The following HTR3E variants were observed in gnomAD, a reference collection of about 807,000 sequenced individuals.
The protein encoded by HTR3E is 5-hydroxytryptamine (serotonin) receptor 3, family member E.
In HTR3E, 38 loss-of-function variants were observed where a neutral mutation model predicts 38.0. That is an observed-to-expected ratio of 1.00 (90% CI 0.77 to 1.31). The LOEUF is 1.31. HTR3E is among the 50% of genes most tolerant of loss of function. The pLI, the probability that HTR3E is intolerant of heterozygous loss-of-function variation, is 0.00. For missense variants in HTR3E, 547 were observed against 585.2 expected (o/e 0.93, Z 0.67); for synonymous variants, 210 against 232.9 (o/e 0.90, Z 0.89).
rs1222401361 is a variant in HTR3E at position 184,105,924 on chromosome 3, C to T, written c.880C>T (p.Leu294Phe). 1.2e-6 allele frequency: 2 copies of T among 1,614,082 alleles called. No homozygotes were observed. The highest frequency in any genetic ancestry group is 1.7e-5 in the Admixed American group (1 of 60,004). Residue 294 changes from leucine (L) to phenylalanine (F), a missense_variant, in exon 7 of 9, where the codon CTC becomes TTC. Transcript: ENST00000415389. Reference protein sequence around the residue: ...TLLLGYNVFLLMMSDLLPTSG... With the variant: ...TLLLGYNVFLFMMSDLLPTSG... ...CCTGCTGGGCTACAACGTCTTCCTG[C>T]TCATGATGAGTGACTTGCTCCCCAC...
At position 184,106,762 on chromosome 3, in the gene HTR3E, C is replaced by T. The variant is rs1275372022; in HGVS notation, c.*69C>T. On this transcript the variant is annotated 3_prime_UTR_variant, in exon 9 of 9. Coordinates refer to ENST00000415389, the MANE Select transcript of HTR3E (RefSeq NM_001256613.2). This position sits in a 1 kb window ranked among gnomAD's most constrained non-coding sequence, Gnocchi z 4.1. ...TCCAGGGACTGGCCAGGTCTCCCCCCTTTCCTGAGTACCAACTATCATATC... is the reference window on the plus strand; with the variant it reads ...TCCAGGGACTGGCCAGGTCTCCCCCTTTTCCTGAGTACCAACTATCATATC... The T allele has an allele frequency of 1.2e-5, 18 of 1,491,774 alleles. No individual in the cohort carries two copies. Among genetic ancestry groups the T allele is most frequent in the Non-Finnish European group, 1.7e-5 (18 of 1,081,688 alleles). 92.4% of individuals were successfully genotyped at this position (1,491,774 alleles called of 1,614,324 possible). A position where few individuals can be genotyped will look rare whatever the true frequency, so the allele number is the denominator to read the frequency against.
At chr3:184,102,702 A>G (rs1712128319) in intron 3 of HTR3E, among the ~76,000 whole-genome samples, 1 of 151,936 alleles carries the variant, frequency 6.6e-6, no homozygotes. Context: ...AGGCCGGTGG[A>G]TCGCCTGAAC....
chr3:184,097,479 G>C lies in HTR3E; in HGVS notation c.-51G>C, dbSNP rs1334803717. On this transcript the variant is annotated 5_prime_UTR_variant, in exon 1 of 9. Coordinates refer to ENST00000415389, the MANE Select transcript of HTR3E (RefSeq NM_001256613.2). ...GGTGTGGCCTGTGCTGCTTTAATCT[G>C]GGCATTCCTGGGTCCCAGTACATGT... is the stretch of plus-strand genomic sequence containing the variant. The C allele has an allele frequency of 4.4e-6, 6 of 1,361,720 alleles. No individual in the cohort carries two copies. Among genetic ancestry groups the C allele is most frequent in the Non-Finnish European group, 1.0e-6 (1 of 988,590 alleles). 84.4% of individuals were successfully genotyped at this position (1,361,720 alleles called of 1,614,324 possible). A position where few individuals can be genotyped will look rare whatever the true frequency, so the allele number is the denominator to read the frequency against.
Position 184,106,025 on chromosome 3 carries a change from G to C in HTR3E, c.925+56G>C. On this transcript the variant is annotated intron_variant, in intron 7 of 8. Coordinates refer to ENST00000415389, the MANE Select transcript of HTR3E (RefSeq NM_001256613.2). The surrounding 1 kb of genome is among the most constrained non-coding windows in gnomAD (Gnocchi z 4.1). ...GGGTGGGAACTAACTCAGGAAGGGAGGTATTTTGGAAAAAGGAGGCCGTAT... is the reference window on the plus strand; with the variant it reads ...GGGTGGGAACTAACTCAGGAAGGGACGTATTTTGGAAAAAGGAGGCCGTAT... The C allele has an allele frequency of 1.2e-6, 2 of 1,611,354 alleles. No individual in the cohort carries two copies. The highest frequency in any genetic ancestry group is 1.7e-6 in the Non-Finnish European group (2 of 1,177,648).
In HTR3E at chr3:184,106,245, A is replaced by G; in HGVS notation, c.1043A>G (p.His348Arg). 1 of 1,610,890 alleles carries G rather than the reference A, an allele frequency of 6.2e-7. No individual in the cohort carries two copies. The highest frequency in any genetic ancestry group is 8.5e-7 in the Non-Finnish European group (1 of 1,179,476). ...CCCCCACCCCTGCCTCGGTGGCTCC[A>G]CTCCCTGCTGCTCCACTGCAACAGC... ...TQPPPLPRWL[H>R]SLLLHCNSPG... The change falls in exon 8 of 9, where the codon CAC (histidine) becomes CGC (arginine). Residue 348 changes from histidine (H) to arginine (R), a missense_variant. His to Arg is a conservative substitution (Grantham distance 29). Coordinates refer to ENST00000415389, the MANE Select transcript of HTR3E (RefSeq NM_001256613.2). This position sits in a 1 kb window ranked among gnomAD's most constrained non-coding sequence, Gnocchi z 4.1.
chr3:184,106,759 C>A lies in HTR3E; in HGVS notation c.*66C>A. ...GCCTCCAGGGACTGGCCAGGTCTCC[C>A]CCCTTTCCTGAGTACCAACTATCAT... On this transcript the variant is annotated 3_prime_UTR_variant, in exon 9 of 9. Transcript: ENST00000415389. This position sits in a 1 kb window ranked among gnomAD's most constrained non-coding sequence, Gnocchi z 4.1. The A allele has an allele frequency of 6.6e-7, 1 of 1,525,610 alleles. No homozygotes were observed. Among genetic ancestry groups the A allele is most frequent in the South Asian group, 1.2e-5 (1 of 84,648 alleles). The allele number at this position is 1,525,610 out of a possible 1,614,324, so 94.5% of individuals were successfully genotyped here. A position where few individuals can be genotyped will look rare whatever the true frequency, so the allele number is the denominator to read the frequency against.
intron 4 of HTR3E, 49 bp from the exon 5 acceptor site, chr3:184,104,738 A>T: frequency 5.4e-6 from 7 of 1,306,420 alleles, no homozygotes; most frequent in Non-Finnish European, 7.2e-6. Flanking sequence ...AAAAAAAAAA[A>T]GAGAGAGAGA....
At chr3:184,105,141 G>T in intron 5 of HTR3E, 126 bp from the exon 6 acceptor site, 2 of 1,237,842 alleles carry the variant, frequency 1.6e-6, no homozygotes, top group East Asian at 2.5e-5. Flanking sequence ...CAAGCTCCTG[G>T]CAAGTTTCCT....
intron 3 of HTR3E, 70 bp downstream of exon 3, chr3:184,101,599 T>TC: frequency 2.5e-6 from 3 of 1,210,206 alleles, no homozygotes; most frequent in Non-Finnish European, 3.7e-6. Context: ...ATATAATAAT[T>TC]ATGAATTTTT....
intron 3 of HTR3E, among the ~76,000 whole-genome samples, chr3:184,103,278 T>C (rs1467086071): frequency 6.6e-6 from 1 of 151,824 alleles, no homozygotes; most frequent in Non-Finnish European, 1.5e-5. Flanking sequence ...GGTCAGGAGT[T>C]CGAGACCAGC....
At chr3:184,099,993 G>A (rs1337593772) in intron 1 of HTR3E, among the ~76,000 whole-genome samples, 1 of 152,018 alleles carries the variant, frequency 6.6e-6, no homozygotes, top group African/African-American at 2.4e-5. Context: ...ATATTAGAAA[G>A]GAGGCTGGAG....
At chr3:184,102,108 T>C (rs537126547) in intron 3 of HTR3E, among the ~76,000 whole-genome samples, 2 of 152,300 alleles carry the variant, frequency 1.3e-5, no homozygotes, top group East Asian at 3.9e-4. Flanking sequence ...TCAATGACCA[T>C]ACATAATTTT....
intron 1 of HTR3E, among the ~76,000 whole-genome samples, chr3:184,098,792 C>G (rs1711800083): frequency 6.6e-6 from 1 of 151,946 alleles, no homozygotes; most frequent in Non-Finnish European, 1.5e-5. Flanking sequence ...CACCTGTAAT[C>G]CCAGCACTTG....
At chr3:184,098,178 G>A (rs1711765017) in intron 1 of HTR3E, among the ~76,000 whole-genome samples, 1 of 152,190 alleles carries the variant, frequency 6.6e-6, no homozygotes, top group Non-Finnish European at 1.5e-5. Flanking sequence ...GGGTCAGCAT[G>A]GTAGAGAGAC....
intron 3 of HTR3E, among the ~76,000 whole-genome samples, chr3:184,103,268 G>A (rs1213084168): frequency 6.6e-6 from 1 of 152,044 alleles, no homozygotes; most frequent in Admixed American, 6.6e-5. Flanking sequence ...GATCACTTGA[G>A]GTCAGGAGTT....
Position 184,106,747 on chromosome 3 carries a change from GGCC to G in HTR3E, c.*55_*57del. 1 of 1,577,236 alleles carries G rather than the reference GGCC, an allele frequency of 6.3e-7. No individual in the cohort carries two copies. ...GGAGCTTCTCTTGCCTCCAGGGACT[GGCC>G]AGGTCTCCCCCCTTTCCTGAGTACC... On this transcript the variant is annotated 3_prime_UTR_variant, in exon 9 of 9. Transcript: ENST00000415389. This position sits in a 1 kb window ranked among gnomAD's most constrained non-coding sequence, Gnocchi z 4.1.
At chr3:184,098,814 C>A in intron 1 of HTR3E, among the ~76,000 whole-genome samples, 1 of 151,898 alleles carries the variant, frequency 6.6e-6, no homozygotes. Context: ...GACGCTGAGG[C>A]AGGCGGATCA....
At chr3:184,099,441 A>G (rs61500057) in intron 1 of HTR3E, among the ~76,000 whole-genome samples, 50 of 152,102 alleles carry the variant, frequency 3.3e-4, no homozygotes, top group African/African-American at 1.2e-3. Context: ...TAGGCCGGGC[A>G]CGGTGGCTCA....
chr3:184,099,571 G>A lies in HTR3E; in HGVS notation c.68-914G>A, dbSNP rs1351617211. Among the ~76,000 whole-genome samples, 27 of 150,810 alleles carry A rather than the reference G, an allele frequency of 1.8e-4. 1 individual carries two copies. The highest frequency in any genetic ancestry group is 1.7e-3 in the Admixed American group (26 of 15,162). ...CTACTAAAAATACAAAAAATTAGCC[G>A]GGCGCGGTGGCGGGCGCCTGTAGTC... On this transcript the variant is annotated intron_variant, in intron 1 of 8. Coordinates refer to ENST00000415389, the MANE Select transcript of HTR3E (RefSeq NM_001256613.2).
Sources: gnomAD v4.1 joint callset for allele counts (sites outside exome capture counted in the v4.1 genomes callset) on GRCh38, gnomAD v4.1.1 for gene constraint, Gnocchi (gnomAD v3.1) non-coding constraint, MANE v1.5 for transcripts, NCBI Gene and HGNC (gene_info 2026-07-23, HGNC 2026-07-21) for gene names.